The following EPGN variants were observed in gnomAD, a reference collection of about 807,000 sequenced individuals.
The protein encoded by EPGN is epigen.
In EPGN, 21 loss-of-function variants were observed where a neutral mutation model predicts 20.7. That is an observed-to-expected ratio of 1.01 (90% CI 0.72 to 1.46). The LOEUF (loss-of-function observed/expected upper bound fraction) is 1.46, where lower values mean the gene tolerates loss of function less well. Among genes scored for constraint, EPGN ranks in the 40% most tolerant of loss-of-function variants. EPGN has a pLI of 0.00. For synonymous variants in EPGN, 69 were observed against 63.8 expected (o/e 1.08, Z -0.39); for missense variants, 199 against 180.7 (o/e 1.10, Z -0.58).
In EPGN at chr4:74,309,086, A is replaced by C; in HGVS notation, c.44-7A>C. ...CTGTTAAAGATGCTTTTGCCCCCTTAATACAGCAATGACAGCACTGACCGA... is the reference window on the plus strand; with the variant it reads ...CTGTTAAAGATGCTTTTGCCCCCTTCATACAGCAATGACAGCACTGACCGA... On this transcript the variant is annotated splice_polypyrimidine_tract_variant and splice_region_variant and intron_variant, in intron 1 of 4. Coordinates refer to ENST00000413830, the MANE Select transcript of EPGN (RefSeq NM_001270989.2). 1 of 1,610,760 alleles carries C rather than the reference A, an allele frequency of 6.2e-7. No individual in the cohort carries two copies.
chr4:74,312,185 C>T lies in EPGN; in HGVS notation c.134C>T (p.Ala45Val), dbSNP rs768306672. Reference protein sequence around the residue: ...QGNWTVNKTEADNIEGPIALK... With the variant: ...QGNWTVNKTEVDNIEGPIALK... ...CTAACATTGTATCTCCTTTTCCTAG[C>T]TGACAACATAGAAGGACCCATAGCC... The change falls in exon 3 of 5, where the codon GCT (alanine) becomes GTT (valine). Residue 45 changes from alanine (A) to valine (V), a missense_variant and splice_region_variant. Transcript: ENST00000413830. 6.3e-7 allele frequency: 1 copy of T among 1,595,066 alleles called. No homozygotes were observed. The highest frequency in any genetic ancestry group is 1.2e-5 in the South Asian group (1 of 86,514).
chr4:74,313,272 TAA>T, intron 4 of EPGN, 102 bp downstream of exon 4: 1 of 1,427,734 alleles, frequency 7.0e-7, no homozygotes, highest in South Asian at 1.6e-5. Context: ...AAAATTTTTT[TAA>T]TTAAAAAAGA....
chr4:74,311,204 G>A (rs868748193), intron 2 of EPGN, among the ~76,000 whole-genome samples: 5 of 151,822 alleles, frequency 3.3e-5, no homozygotes, highest in African/African-American at 1.2e-4. Context: ...TCTAGTTTCA[G>A]GCTTAGTTAA....
intron 2 of EPGN, among the ~76,000 whole-genome samples, chr4:74,311,614 G>A (rs895404143): frequency 2.6e-5 from 4 of 152,062 alleles, no homozygotes; most frequent in Admixed American, 6.6e-5. Flanking sequence ...AATAAAGTAT[G>A]CCCCAAAGGA....
At chr4:74,312,035 A>G in intron 2 of EPGN, 150 bp from the exon 3 acceptor site, 2 of 792,872 alleles carry the variant, frequency 2.5e-6, no homozygotes, top group East Asian at 2.9e-5. Flanking sequence ...GCCCTTGTGA[A>G]TACAACCTGC....
At chr4:74,312,070 C>A in intron 2 of EPGN, 115 bp from the exon 3 acceptor site, 2 of 1,208,430 alleles carry the variant, frequency 1.7e-6, no homozygotes, top group Non-Finnish European at 2.2e-6. Context: ...GTTTAAAGGA[C>A]ACAGCACCAC....
At chr4:74,310,009 A>G (rs921661871) in intron 2 of EPGN, among the ~76,000 whole-genome samples, 1 of 152,196 alleles carries the variant, frequency 6.6e-6, no homozygotes, top group Non-Finnish European at 1.5e-5. Context: ...AAAATTTTAA[A>G]TGATTGTCTC....
chr4:74,312,193 A>G lies in EPGN; in HGVS notation c.142A>G (p.Ile48Val). ...GTATCTCCTTTTCCTAGCTGACAAC[A>G]TAGAAGGACCCATAGCCTTGAAGTT... ...WTVNKTEADN[I>V]EGPIALKFSH... is the part of the protein sequence containing the mutation. Residue 48 changes from isoleucine to valine, a missense_variant, in exon 3 of 5, where the codon ATA (isoleucine) becomes GTA (valine). Ile to Val is a conservative substitution (Grantham distance 29). Transcript: ENST00000413830. 6.2e-7 allele frequency: 1 copy of G among 1,604,624 alleles called. No individual in the cohort carries two copies. Among genetic ancestry groups the G allele is most frequent in the Non-Finnish European group, 8.5e-7 (1 of 1,176,752 alleles).
At chr4:74,313,338 A>C in intron 4 of EPGN, 168 bp downstream of exon 4, 1 of 1,401,472 alleles carries the variant, frequency 7.1e-7, no homozygotes, top group Non-Finnish European at 9.2e-7. Flanking sequence ...TTTTCTCATA[A>C]ACCCAGACGA....
At chr4:74,314,104 A>T in intron 4 of EPGN, 1 of 456,372 alleles carries the variant, frequency 2.2e-6, no homozygotes, top group South Asian at 1.5e-5. Context: ...TGATTAGTTG[A>T]GGGAGTACTC....
intron 2 of EPGN, among the ~76,000 whole-genome samples, chr4:74,309,850 GGT>G (rs993869044): frequency 6.6e-6 from 1 of 152,110 alleles, no homozygotes; most frequent in Admixed American, 6.5e-5. Context: ...GTGACTGAGT[GGT>G]TATGATTCTT....
At chr4:74,314,067 G>A in intron 4 of EPGN, 1 of 455,508 alleles carries the variant, frequency 2.2e-6, no homozygotes, top group South Asian at 1.6e-5. Flanking sequence ...TAGAAGCGGA[G>A]CCTTCAGATA....
In EPGN at chr4:74,313,391, G is replaced by A. The variant is rs532732858; in HGVS notation, c.407+221G>A. 1.5e-5 allele frequency: 21 copies of A among 1,378,176 alleles called. No individual in the cohort carries two copies. In the South Asian group the frequency reaches 1.5e-4, roughly 10 times the overall value. The allele number at this position is 1,378,176 out of a possible 1,614,324, so 85.4% of individuals were successfully genotyped here. A position where few individuals can be genotyped will look rare whatever the true frequency, so the allele number is the denominator to read the frequency against. The stretch of plus-strand genomic sequence containing the variant: ...TCAGTTGTAATAGGAGAGTTCAAAC[G>A]TACAGTCTCCCTTCAACCTATCTCT... On this transcript the variant is annotated intron_variant, in intron 4 of 4. Transcript: ENST00000413830.
rs555686400 is a variant in EPGN at position 74,314,358 on chromosome 4, A to G, written c.408-222A>G. ...AACAGGGGCTTGTAATCTCCCAGCA[A>G]TCTCCTGGCAGGGCACTCAGTTGGC... On this transcript the variant is annotated intron_variant, in intron 4 of 4. Transcript: ENST00000413830. 5.3e-5 allele frequency: 31 copies of G among 589,134 alleles called. No homozygotes were observed. The Admixed American group carries it at 5.8e-4, about 11-fold the overall frequency. The allele number at this position is 589,134 out of a possible 1,614,324, so 36.5% of individuals were successfully genotyped here. A position where few individuals can be genotyped will look rare whatever the true frequency, so the allele number is the denominator to read the frequency against.
chr4:74,314,556 A>T (rs1560581460), intron 4 of EPGN, 24 bp from the exon 5 acceptor site: 22 of 1,535,226 alleles, frequency 1.4e-5, no homozygotes, highest in Non-Finnish European at 1.6e-5. Flanking sequence ...TCAAATTCAT[A>T]TGGAAACCAA....
At chr4:74,310,461 C>CAAAA (rs10586282) in intron 2 of EPGN, among the ~76,000 whole-genome samples, 29 of 43,098 alleles carry the variant, frequency 6.7e-4, no homozygotes, top group South Asian at 1.6e-3. Flanking sequence ...GAGTCCGTCT[C>CAAAA]AAAAAAAAAA....
chr4:74,310,867 A>T (rs936481011), intron 2 of EPGN, among the ~76,000 whole-genome samples: 1 of 152,218 alleles, frequency 6.6e-6, no homozygotes, highest in East Asian at 1.9e-4. Context: ...TGCATTGTTT[A>T]GGGAATAATG....
At position 74,315,022 on chromosome 4, in the gene EPGN, T is replaced by C. The variant is rs968632468; in HGVS notation, c.*385T>C. On this transcript the variant is annotated 3_prime_UTR_variant, in exon 5 of 5. Transcript: ENST00000413830. ...AGCAATGCCTCGCTTGGGTTCTTCA[T>C]GTTCTTACTACCCAGCGTTTTTTAC... 2 of 201,404 alleles carry C rather than the reference T, an allele frequency of 9.9e-6. No individual in the cohort carries two copies. Among genetic ancestry groups the C allele is most frequent in the African/African-American group, 4.7e-5 (2 of 42,342 alleles). 12.5% of individuals were successfully genotyped at this position (201,404 alleles called of 1,614,324 possible).
intron 3 of EPGN, among the ~76,000 whole-genome samples, chr4:74,312,519 G>T (rs1751027727): frequency 6.6e-6 from 1 of 152,102 alleles, no homozygotes; most frequent in Non-Finnish European, 1.5e-5. Context: ...TCCCAGATTA[G>T]CAGCATCTCT....
Sources: gnomAD v4.1 joint callset for allele counts (sites outside exome capture counted in the v4.1 genomes callset) on GRCh38, gnomAD v4.1.1 for gene constraint, MANE v1.5 for transcripts, NCBI Gene and HGNC (gene_info 2026-07-23, HGNC 2026-07-21) for gene names.